The following SOX6 variants were observed in gnomAD, a reference collection of about 807,000 sequenced individuals.
The protein encoded by SOX6 is transcription factor SOX-6.
In SOX6, 11 loss-of-function variants were observed where a neutral mutation model predicts 97.8. The observed-to-expected ratio is 0.11, with a 90% CI of 0.07 to 0.19. The LOEUF (loss-of-function observed/expected upper bound fraction) is 0.19, where lower values mean the gene tolerates loss of function less well. Ranked by LOEUF, SOX6 falls within the 10% of genes least tolerant of loss-of-function variation. The pLI, the probability that SOX6 is intolerant of heterozygous loss-of-function variation, is 1.00. For missense variants in SOX6, 810 were observed against 1,039.5 expected (o/e 0.78, Z 3.04); for synonymous variants, 360 against 371.4 (o/e 0.97, Z 0.35).
intron 9 of SOX6, among the ~76,000 whole-genome samples, chr11:16,060,010 C>T (rs1847907339): frequency 6.6e-6 from 1 of 151,874 alleles, no homozygotes; most frequent in Non-Finnish European, 1.5e-5. Context: ...GTCAGGAAAT[C>T]TTAGAGATGC....
intron 6 of SOX6, among the ~76,000 whole-genome samples, chr11:16,170,576 C>A (rs1380980314): frequency 3.3e-5 from 5 of 151,958 alleles, no homozygotes; most frequent in Non-Finnish European, 4.4e-5. Flanking sequence ...TTAAACCTAG[C>A]TTTGGAAGCT....
At chr11:16,146,921 C>T (rs944308406) in intron 6 of SOX6, among the ~76,000 whole-genome samples, 6 of 152,220 alleles carry the variant, frequency 3.9e-5, no homozygotes, top group East Asian at 1.9e-4. Context: ...TAAACTAGTT[C>T]GACCATTGTG....
At chr11:16,324,862 C>T (rs1030859973) in intron 2 of SOX6, among the ~76,000 whole-genome samples, 3 of 152,092 alleles carry the variant, frequency 2.0e-5, no homozygotes, top group East Asian at 1.9e-4. Flanking sequence ...CATGTTCTCA[C>T]TCACATGTGA....
At chr11:16,559,372 C>T (rs907597474) in intron 4 of SOX6, among the ~76,000 whole-genome samples, 2 of 151,012 alleles carry the variant, frequency 1.3e-5, no homozygotes, top group African/African-American at 4.8e-5. Flanking sequence ...TTTCAACAGA[C>T]AGATACAGGC....
chr11:16,597,307 T>C (rs1411426047), intron 4 of SOX6, among the ~76,000 whole-genome samples: 1 of 146,450 alleles, frequency 6.8e-6, no homozygotes, highest in Non-Finnish European at 1.5e-5. Context: ...TATATGTATA[T>C]ATATATGTAT....
intron 12 of SOX6, among the ~76,000 whole-genome samples, chr11:16,029,519 C>T (rs543419129): frequency 1.1e-4 from 16 of 152,080 alleles, no homozygotes; most frequent in Admixed American, 9.8e-4. Flanking sequence ...TCCTGTAATC[C>T]GAGGCACTCG....
Position 16,132,493 on chromosome 11 carries a change from A to AAGC in SOX6, c.778-20571_778-20570insGCT, listed in dbSNP as rs1554934056. ...GAAAGAAAGAAAGAAAGAAAGAAAG[A>AAGC]AAGAAAGAAAGAAAGCTTATCTTTG... On this transcript the variant is annotated intron_variant, in intron 6 of 15. Coordinates refer to ENST00000683767, the MANE Select transcript of SOX6 (RefSeq NM_001367873.1). 4.6e-4 allele frequency among the ~76,000 whole-genome samples: 50 copies of AAGC among 107,580 alleles called. 1 individual carries two copies. Among genetic ancestry groups the AAGC allele is most frequent in the Admixed American group, 9.3e-4 (11 of 11,876 alleles). The allele number at this position is 107,580 out of a possible 152,430, so 70.6% of individuals were successfully genotyped here.
chr11:16,413,226 A>G (rs1023624976), intron 1 of SOX6, among the ~76,000 whole-genome samples: 3 of 152,208 alleles, frequency 2.0e-5, no homozygotes, highest in Non-Finnish European at 2.9e-5. Flanking sequence ...AGCAATTCTT[A>G]AGACAAATGA....
intron 9 of SOX6, among the ~76,000 whole-genome samples, chr11:16,089,678 A>C (rs754405034): frequency 2.0e-5 from 3 of 152,136 alleles, no homozygotes; most frequent in Non-Finnish European, 4.4e-5. Context: ...CTGGCAGAAC[A>C]GTAATAGCTA....
chr11:16,211,470 A>AAG (rs3059090), intron 4 of SOX6, among the ~76,000 whole-genome samples: 7 of 150,008 alleles, frequency 4.7e-5, no homozygotes, highest in African/African-American at 1.7e-4. Context: ...AAAAAAAAAA[A>AAG]CTATTTACAA....
intron 1 of SOX6, among the ~76,000 whole-genome samples, chr11:16,404,949 T>TTCTCCAATCACAGAAA (rs1858654514): frequency 6.6e-6 from 1 of 152,038 alleles, no homozygotes; most frequent in Non-Finnish European, 1.5e-5. Context: ...GCTTTGTGCG[T>TTCTCCAATCACAGAAA]GATATCTTTC....
intron 4 of SOX6, among the ~76,000 whole-genome samples, chr11:16,532,343 A>G (rs1426037499): frequency 6.6e-6 from 1 of 151,870 alleles, no homozygotes; most frequent in African/African-American, 2.4e-5. Context: ...GAAATGAGAC[A>G]AAGCTAGCTA....
chr11:16,140,916 T>C (rs1053177762), intron 6 of SOX6, among the ~76,000 whole-genome samples: 1 of 152,158 alleles, frequency 6.6e-6, no homozygotes, highest in Non-Finnish European at 1.5e-5. Context: ...ATCTCTTAGC[T>C]GGGCACAGTG....
intron 3 of SOX6, among the ~76,000 whole-genome samples, chr11:16,695,885 T>TAG (rs1463270903): frequency 1.3e-5 from 2 of 151,860 alleles, no homozygotes; most frequent in Non-Finnish European, 1.5e-5. Context: ...TGCATGCCTA[T>TAG]AATCCCAGCT....
At chr11:16,024,859 T>C (rs1188269187) in intron 12 of SOX6, among the ~76,000 whole-genome samples, 1 of 152,052 alleles carries the variant, frequency 6.6e-6, no homozygotes, top group Non-Finnish European at 1.5e-5. Context: ...GTATGACAAG[T>C]TTCCCTCAGG....
At chr11:16,338,835 T>C (rs1484307367) in intron 2 of SOX6, among the ~76,000 whole-genome samples, 1 of 152,038 alleles carries the variant, frequency 6.6e-6, no homozygotes, top group South Asian at 2.1e-4. Flanking sequence ...AAATTATTAA[T>C]ATATTTTTAA....
intron 4 of SOX6, among the ~76,000 whole-genome samples, chr11:16,588,620 T>C (rs1398741613): frequency 6.6e-6 from 1 of 152,068 alleles, no homozygotes; most frequent in African/African-American, 2.4e-5. Context: ...CTGAACATGA[T>C]AAATACACTT....
chr11:15,997,842 G>C (rs919823433), intron 13 of SOX6, among the ~76,000 whole-genome samples: 1 of 152,134 alleles, frequency 6.6e-6, no homozygotes, highest in Non-Finnish European at 1.5e-5. Flanking sequence ...TTATATTTCG[G>C]GAGGCTGAGG....
At chr11:16,098,221 C>T (rs770707048) in intron 7 of SOX6, among the ~76,000 whole-genome samples, 15 of 151,720 alleles carry the variant, frequency 9.9e-5, no homozygotes, top group Non-Finnish European at 1.5e-4. Context: ...ATCTTATCTT[C>T]CAGCATTCTG....
Sources: allele counts gnomAD v4.1 joint callset (sites outside exome capture counted in the v4.1 genomes callset), GRCh38; gene constraint gnomAD v4.1.1; transcripts MANE v1.5; gene names NCBI Gene and HGNC (gene_info 2026-07-23, HGNC 2026-07-21).